PLCH1: variants seen among roughly 807,000 people sequenced by gnomAD.
PLCH1 encodes the protein 1-phosphatidylinositol 4,5-bisphosphate phosphodiesterase eta-1.
A neutral mutation model predicts 126.7 loss-of-function variants in PLCH1; 60 were observed. The ratio of observed to expected loss-of-function variants is 0.47; its 90% CI spans 0.38 to 0.59. PLCH1 has a LOEUF of 0.59. Ranked by LOEUF, PLCH1 falls within the 20% of genes least tolerant of loss-of-function variation. The pLI is 0.00. For synonymous variants in PLCH1, 719 were observed against 734.9 expected (o/e 0.98, Z 0.35); for missense variants, 1,723 against 2,040.0 (o/e 0.84, Z 2.99).
Position 155,537,202 on chromosome 3 carries a change from C to CAAAAAAAAAAAAAAAAAAA in PLCH1, c.1362+12566_1362+12584dup, listed in dbSNP as rs535908017. On this transcript the variant is annotated intron_variant, in intron 10 of 22. Transcript: ENST00000460012. ...CTAGCACTACAAAAAAAAAAAAAAC[C>CAAAAAAAAAAAAAAAAAAA]AAAAAAAAAAAAAAAAAAAAAAAAA... 5.1e-3 allele frequency among the ~76,000 whole-genome samples: 53 copies of CAAAAAAAAAAAAAAAAAAA among 10,364 alleles called. 1 individual carries two copies. The highest frequency in any genetic ancestry group is 0.018 in the South Asian group (7 of 400). 6.8% of individuals were successfully genotyped at this position (10,364 alleles called of 152,430 possible).
chr3:155,505,922 A>G (rs1313439472), intron 12 of PLCH1, among the ~76,000 whole-genome samples: 2 of 149,796 alleles, frequency 1.3e-5, no homozygotes, highest in African/African-American at 2.5e-5. Flanking sequence ...TGTGAAATGG[A>G]CCAATTAATC....
intron 2 of PLCH1, among the ~76,000 whole-genome samples, chr3:155,653,494 C>A (rs188667643): frequency 7.6e-4 from 116 of 152,308 alleles, no homozygotes; most frequent in South Asian, 7.3e-3. Context: ...AATTCCTTCA[C>A]CCCGCATTCC....
At chr3:155,703,871 T>C (rs146288023) in intron 2 of PLCH1, among the ~76,000 whole-genome samples, 3 of 152,304 alleles carry the variant, frequency 2.0e-5, no homozygotes, top group Non-Finnish European at 4.4e-5. Context: ...TTACTGGAGT[T>C]GACAGTGTGG....
At chr3:155,657,431 A>T (rs945028205) in intron 2 of PLCH1, among the ~76,000 whole-genome samples, 1 of 152,180 alleles carries the variant, frequency 6.6e-6, no homozygotes, top group Non-Finnish European at 1.5e-5. Flanking sequence ...ACTGGAGAGG[A>T]AACAGCTGCC....
chr3:155,681,550 T>G (rs1744539172), intron 2 of PLCH1, among the ~76,000 whole-genome samples: 1 of 152,242 alleles, frequency 6.6e-6, no homozygotes, highest in Admixed American at 6.5e-5. Context: ...ACGGAGATCT[T>G]GAGTCACTTA....
intron 2 of PLCH1, among the ~76,000 whole-genome samples, chr3:155,631,162 TC>T: frequency 6.6e-6 from 1 of 152,244 alleles, no homozygotes; most frequent in African/African-American, 2.4e-5. Context: ...GGAACAAAAT[TC>T]TCGGTATTTT....
intron 2 of PLCH1, among the ~76,000 whole-genome samples, chr3:155,677,688 G>C (rs1744198011): frequency 1.3e-5 from 2 of 152,112 alleles, no homozygotes; most frequent in African/African-American, 4.8e-5. Flanking sequence ...TACACATAAA[G>C]TGCTTAGAAT....
chr3:155,485,771 T>A, intron 21 of PLCH1, 61 bp from the exon 22 acceptor site: 1 of 1,025,918 alleles, frequency 9.7e-7, no homozygotes, highest in Non-Finnish European at 1.4e-6. Context: ...ACAACTTGCC[T>A]TGAAAATGAC....
At chr3:155,517,448 A>G (rs1157503688) in intron 11 of PLCH1, among the ~76,000 whole-genome samples, 2 of 152,180 alleles carry the variant, frequency 1.3e-5, no homozygotes. Flanking sequence ...TGGCAGGGCT[A>G]CACTCCCTCT....
In PLCH1 at chr3:155,481,157, G is replaced by T. The variant is rs201236953; in HGVS notation, c.4869C>A (p.Thr1623=). The change falls in exon 23 of 23, where the codon ACC becomes ACA. Residue 1623 remains threonine, a synonymous_variant. Coordinates refer to ENST00000460012, the MANE Select transcript of PLCH1 (RefSeq NM_014996.4). This position sits in a 1 kb window ranked among gnomAD's most constrained non-coding sequence, Gnocchi z 4.2. ...TCAGGTAGCCTGCGATGTAGGAGCCGGTGGAGTGGCGATTCACTGCAGGGG... is the reference window on the plus strand; with the variant it reads ...TCAGGTAGCCTGCGATGTAGGAGCCTGTGGAGTGGCGATTCACTGCAGGGG... ...APTPAVNRHS[T]GSYIAGYLKN... is the part of the protein sequence containing the mutation. 4 of 1,614,228 alleles carry T rather than the reference G, an allele frequency of 2.5e-6. No individual in the cohort carries two copies. The East Asian group carries it at 8.9e-5, about 36-fold the overall frequency.
chr3:155,650,458 C>T (rs1258071317), intron 2 of PLCH1, among the ~76,000 whole-genome samples: 3 of 152,170 alleles, frequency 2.0e-5, no homozygotes, highest in African/African-American at 4.8e-5. Context: ...TATGACCAGG[C>T]GGCCAGAGGC....
intron 10 of PLCH1, among the ~76,000 whole-genome samples, chr3:155,542,848 TAACA>T (rs1241742794): frequency 6.6e-6 from 1 of 151,980 alleles, no homozygotes; most frequent in African/African-American, 2.4e-5. Flanking sequence ...GAAGGAAAAC[TAACA>T]AACAGAAAGG....
At chr3:155,540,205 G>A (rs1292911811) in intron 10 of PLCH1, among the ~76,000 whole-genome samples, 1 of 152,152 alleles carries the variant, frequency 6.6e-6, no homozygotes, top group Non-Finnish European at 1.5e-5. Context: ...GAATGAAACT[G>A]GATCCTCATC....
intron 18 of PLCH1, among the ~76,000 whole-genome samples, chr3:155,491,953 G>A (rs932976324): frequency 6.6e-6 from 1 of 152,122 alleles, no homozygotes; most frequent in Non-Finnish European, 1.5e-5. Context: ...TCTGGGCGAC[G>A]AACAATGAAG....
chr3:155,514,603 C>T, intron 12 of PLCH1, 120 bp downstream of exon 12: 1 of 636,888 alleles, frequency 1.6e-6, no homozygotes, highest in Admixed American at 3.6e-5. Flanking sequence ...TTTCATTTCT[C>T]AAGCAAAATG....
chr3:155,574,557 A>G (rs1485476912), intron 6 of PLCH1, among the ~76,000 whole-genome samples: 1 of 151,882 alleles, frequency 6.6e-6, no homozygotes, highest in East Asian at 1.9e-4. Flanking sequence ...ACAGAGGGGG[A>G]TTGTCTTTAC....
At chr3:155,648,952 G>A (rs1199256744) in intron 2 of PLCH1, among the ~76,000 whole-genome samples, 1 of 152,182 alleles carries the variant, frequency 6.6e-6, no homozygotes, top group Non-Finnish European at 1.5e-5. Flanking sequence ...CAGGGCCAAC[G>A]ACATAGGCCT....
rs367593931 is a variant in PLCH1 at position 155,539,384 on chromosome 3, A to T, written c.1362+10403T>A. 1.6e-4 allele frequency among the ~76,000 whole-genome samples: 24 copies of T among 152,298 alleles called. No individual in the cohort carries two copies. The East Asian group carries it at 4.4e-3, about 28-fold the overall frequency. On this transcript the variant is annotated intron_variant, in intron 10 of 22. Coordinates refer to ENST00000460012, the MANE Select transcript of PLCH1 (RefSeq NM_014996.4). ...CACTTTCACCACTTCTGTTCAACAT[A>T]GTACTGGAAATCCTAGCCAAGGCAA...
At chr3:155,743,211 A>G (rs549793533) in intron 1 of PLCH1, 2 of 452,500 alleles carry the variant, frequency 4.4e-6, no homozygotes, top group Admixed American at 4.8e-5. Flanking sequence ...TAGGGCTGTC[A>G]AGATTCACAA....
Sources: gnomAD v4.1 joint callset for allele counts (sites outside exome capture counted in the v4.1 genomes callset) on GRCh38, gnomAD v4.1.1 for gene constraint, Gnocchi (gnomAD v3.1) non-coding constraint, MANE v1.5 for transcripts, NCBI Gene and HGNC (gene_info 2026-07-23, HGNC 2026-07-21) for gene names.